TTC7A: variants seen among roughly 807,000 people sequenced by gnomAD.
TTC7A encodes tetratricopeptide repeat protein 7A.
In TTC7A, 110 loss-of-function variants were observed where a neutral mutation model predicts 103.7. The ratio of observed to expected loss-of-function variants is 1.06; its 90% CI spans 0.91 to 1.24. The LOEUF is 1.24. TTC7A is among the 50% of genes most tolerant of loss of function. The pLI is 0.00. For missense variants in TTC7A, 1,340 were observed against 1,116.3 expected (o/e 1.20, Z -2.86); for synonymous variants, 521 against 467.9 (o/e 1.11, Z -1.47).
chr2:47,001,804 A>G (rs1301302404), intron 8 of TTC7A, among the ~76,000 whole-genome samples: 1 of 150,234 alleles, frequency 6.7e-6, no homozygotes, highest in Non-Finnish European at 1.5e-5. Flanking sequence ...GGTTGCAGTG[A>G]GCCGAGACCA....
At chr2:47,067,193 A>G (rs896151620) in intron 19 of TTC7A, among the ~76,000 whole-genome samples, 2 of 152,236 alleles carry the variant, frequency 1.3e-5, no homozygotes, top group Non-Finnish European at 2.9e-5. Context: ...GGACACATTC[A>G]ATCCATAGCA....
chr2:47,046,036 C>G (rs140207771), intron 15 of TTC7A, among the ~76,000 whole-genome samples: 51 of 152,274 alleles, frequency 3.3e-4, no homozygotes, highest in Middle Eastern at 3.4e-3. Flanking sequence ...CAGAGATGGG[C>G]AGGATGGCAC....
intron 18 of TTC7A, among the ~76,000 whole-genome samples, chr2:47,059,576 C>T (rs138119820): frequency 8.9e-4 from 136 of 152,252 alleles, no homozygotes; most frequent in Admixed American, 1.6e-3. Flanking sequence ...ACACGCCTAC[C>T]TTCAGTCAGC....
upstream of TTC7A, among the ~76,000 whole-genome samples, chr2:46,938,185 A>T (rs1235678327): frequency 1.3e-5 from 2 of 152,174 alleles, no homozygotes; most frequent in Non-Finnish European, 2.9e-5. Flanking sequence ...AAAAAGAAAA[A>T]AGCAAAAATC....
intron 15 of TTC7A, among the ~76,000 whole-genome samples, chr2:47,038,944 T>G (rs1347835451): frequency 1.3e-5 from 2 of 151,914 alleles, no homozygotes; most frequent in Non-Finnish European, 2.9e-5. Context: ...GACCTAGTTC[T>G]CCCCCAGATG....
At chr2:46,967,478 A>T (rs889685192) in intron 3 of TTC7A, among the ~76,000 whole-genome samples, 1 of 152,216 alleles carries the variant, frequency 6.6e-6, no homozygotes, top group Admixed American at 6.5e-5. Context: ...TGATTACGCA[A>T]GTACCTCATG....
chr2:47,002,404 G>A (rs1676914040), intron 8 of TTC7A, among the ~76,000 whole-genome samples: 1 of 152,186 alleles, frequency 6.6e-6, no homozygotes, highest in South Asian at 2.1e-4. Context: ...TACTTTAAGG[G>A]TCACAAGTGC....
chr2:46,917,598 C>G (rs1668880504), intron 2 of TTC7A, among the ~76,000 whole-genome samples: 1 of 152,166 alleles, frequency 6.6e-6, no homozygotes. Context: ...CTAGCCAGTG[C>G]TTTCATTTTT....
intron 19 of TTC7A, among the ~76,000 whole-genome samples, chr2:47,066,344 T>G (rs981045655): frequency 6.6e-6 from 1 of 152,098 alleles, no homozygotes; most frequent in African/African-American, 2.4e-5. Context: ...GGGGCACATC[T>G]TAAATCCCCA....
intron 10 of TTC7A, among the ~76,000 whole-genome samples, chr2:47,009,811 A>T (rs1487696781): frequency 6.7e-6 from 1 of 149,516 alleles, no homozygotes; most frequent in Non-Finnish European, 1.5e-5. Flanking sequence ...TCACACAGGT[A>T]CAGGGGTGTA....
chr2:47,019,392 C>G (rs1054172119), intron 11 of TTC7A, among the ~76,000 whole-genome samples: 1 of 151,858 alleles, frequency 6.6e-6, no homozygotes, highest in Non-Finnish European at 1.5e-5. Flanking sequence ...AAAACACACA[C>G]AAAAAGAAAT....
intron 12 of TTC7A, 112 bp from the exon 13 acceptor site, chr2:47,023,296 G>A: frequency 2.6e-6 from 3 of 1,145,554 alleles, no homozygotes; most frequent in East Asian, 2.5e-5. Context: ...TGCCAGATGG[G>A]ACCCTGGTGG....
At chr2:46,961,178 C>T (rs1672337707) in intron 3 of TTC7A, among the ~76,000 whole-genome samples, 1 of 152,282 alleles carries the variant, frequency 6.6e-6, no homozygotes, top group South Asian at 2.1e-4. Flanking sequence ...GAAATGTTCC[C>T]AGCCGATTCC....
chr2:46,938,836 AC>A (rs1043995327), upstream of TTC7A, among the ~76,000 whole-genome samples: 4 of 151,686 alleles, frequency 2.6e-5, no homozygotes, highest in African/African-American at 9.7e-5. Context: ...ACATAGTGAA[AC>A]CCGTCTCTAC....
chr2:47,044,832 A>G, intron 15 of TTC7A, among the ~76,000 whole-genome samples: 1 of 152,232 alleles, frequency 6.6e-6, no homozygotes, highest in East Asian at 1.9e-4. Context: ...GAGACAAAGT[A>G]TGGAAAGATG....
At position 47,046,736 on chromosome 2, in the gene TTC7A, T is replaced by G. The variant is rs1573018285; in HGVS notation, c.1919+305T>G. 4 of 367,820 alleles carry G rather than the reference T, an allele frequency of 1.1e-5. No homozygotes were observed. The East Asian group carries it at 2.2e-4, about 20-fold the overall frequency. The allele number at this position is 367,820 out of a possible 1,614,324, so 22.8% of individuals were successfully genotyped here. A position where few individuals can be genotyped will look rare whatever the true frequency, so the allele number is the denominator to read the frequency against. ...TTGTTCCTTTATCTTACACCTCAGCTGCTTATAGCTTATGCATTATCAGAT... is the reference window on the plus strand; with the variant it reads ...TTGTTCCTTTATCTTACACCTCAGCGGCTTATAGCTTATGCATTATCAGAT... On this transcript the variant is annotated intron_variant, in intron 16 of 19. Transcript: ENST00000319190.
chr2:46,962,359 T>C (rs1289072307), intron 3 of TTC7A, among the ~76,000 whole-genome samples: 1 of 152,214 alleles, frequency 6.6e-6, no homozygotes, highest in Non-Finnish European at 1.5e-5. Context: ...CAGCTCAGTA[T>C]GCACGTCCAT....
At chr2:46,949,632 C>A (rs1671233165) in intron 1 of TTC7A, among the ~76,000 whole-genome samples, 1 of 152,198 alleles carries the variant, frequency 6.6e-6, no homozygotes, top group South Asian at 2.1e-4. Flanking sequence ...CCAGAAAATG[C>A]AGGTATTCAA....
intron 19 of TTC7A, among the ~76,000 whole-genome samples, chr2:47,072,043 T>G (rs781635058): frequency 2.6e-5 from 4 of 152,208 alleles, no homozygotes; most frequent in African/African-American, 7.2e-5. Context: ...TCGGCTGGCC[T>G]CCTTCCCTCC....
Sources: gnomAD v4.1 joint callset for allele counts (sites outside exome capture counted in the v4.1 genomes callset) on GRCh38, gnomAD v4.1.1 for gene constraint, MANE v1.5 for transcripts, NCBI Gene and HGNC (gene_info 2026-07-23, HGNC 2026-07-21) for gene names.